The following GREM2 variants were observed in gnomAD, a reference collection of about 807,000 sequenced individuals.
The protein encoded by GREM2 is gremlin 2, DAN family BMP antagonist.
In GREM2, 11 loss-of-function variants were observed where a neutral mutation model predicts 14.2. The ratio of observed to expected loss-of-function variants is 0.78; its 90% CI spans 0.49 to 1.28. The LOEUF (loss-of-function observed/expected upper bound fraction) is 1.28. Ranked by LOEUF, GREM2 falls within the 50% of genes most tolerant of loss-of-function variation. The pLI is 0.00. For missense variants in GREM2, 210 were observed against 218.5 expected (o/e 0.96, Z 0.24); for synonymous variants, 98 against 97.6 (o/e 1.00, Z -0.02).
intron 1 of GREM2, among the ~76,000 whole-genome samples, chr1:240,499,701 CTGAAA>C (rs1409320506): frequency 6.6e-6 from 1 of 152,182 alleles, no homozygotes; most frequent in African/African-American, 2.4e-5. Flanking sequence ...TGCTTGCTTG[CTGAAA>C]CCACTTACCC....
chr1:240,545,766 A>C (rs1678704506), intron 1 of GREM2, among the ~76,000 whole-genome samples: 1 of 152,200 alleles, frequency 6.6e-6, no homozygotes, highest in Non-Finnish European at 1.5e-5. Context: ...GCGTCAGAGT[A>C]TAACATTGAG....
At chr1:240,563,772 T>A (rs1679119027) in intron 1 of GREM2, among the ~76,000 whole-genome samples, 2 of 152,234 alleles carry the variant, frequency 1.3e-5, no homozygotes, top group Non-Finnish European at 2.9e-5. Context: ...TTCACCCACT[T>A]GTTTCCTTTA....
chr1:240,585,396 G>A (rs745926768), intron 1 of GREM2, among the ~76,000 whole-genome samples: 8 of 151,932 alleles, frequency 5.3e-5, no homozygotes, highest in East Asian at 1.9e-4. Flanking sequence ...TTTCTCTGAC[G>A]GGGATGTACT....
intron 1 of GREM2, among the ~76,000 whole-genome samples, chr1:240,610,597 G>A (rs1372278756): frequency 1.3e-5 from 2 of 152,216 alleles, no homozygotes; most frequent in Non-Finnish European, 2.9e-5. Context: ...TATCTTCCTT[G>A]GTCGGGCACA....
At chr1:240,575,584 G>A (rs942029511) in intron 1 of GREM2, among the ~76,000 whole-genome samples, 20 of 151,170 alleles carry the variant, frequency 1.3e-4, no homozygotes, top group Admixed American at 1.3e-3. Context: ...GTGGTGGCAC[G>A]ATCTTGGCTC....
intron 1 of GREM2, among the ~76,000 whole-genome samples, chr1:240,510,401 C>CAAAAAAAAAA (rs1553272787): frequency 2.8e-5 from 2 of 72,662 alleles, no homozygotes; most frequent in Admixed American, 1.5e-4. Context: ...AAAAAAAAAT[C>CAAAAAAAAAA]AAATGGTATC....
At chr1:240,528,933 G>A (rs1462807712) in intron 1 of GREM2, among the ~76,000 whole-genome samples, 1 of 152,124 alleles carries the variant, frequency 6.6e-6, no homozygotes, top group African/African-American at 2.4e-5. Flanking sequence ...AGGGCTCTCA[G>A]GGCTTTCTTG....
chr1:240,610,601 G>A (rs879657004), intron 1 of GREM2, among the ~76,000 whole-genome samples: 15 of 152,104 alleles, frequency 9.9e-5, no homozygotes, highest in Non-Finnish European at 2.1e-4. Flanking sequence ...TTCCTTGGTC[G>A]GGCACATGTC....
rs1419405445 is a variant in GREM2, at chr1:240,531,680, GC to G, written c.-1-38205del. On this transcript the variant is annotated intron_variant, in intron 1 of 1. Transcript: ENST00000318160. ...CCCTGACGTGGACTCAGCTCTGAGT[GC>G]TCTCATTTTTCTTTTCTTTTCTTTT... is the stretch of plus-strand genomic sequence containing the variant. The G allele has an allele frequency of 1.3e-5, 13 of 983,124 alleles. No homozygotes were observed. In the African/African-American group the frequency reaches 2.3e-4, roughly 17 times the overall value. 60.9% of individuals were successfully genotyped at this position (983,124 alleles called of 1,614,324 possible). A position where few individuals can be genotyped will look rare whatever the true frequency, so the allele number is the denominator to read the frequency against.
chr1:240,543,721 A>G lies in GREM2; in HGVS notation c.-1-50245T>C, dbSNP rs1423734238. Among the ~76,000 whole-genome samples the G allele has an allele frequency of 6.6e-6, 1 of 152,220 alleles. No individual in the cohort carries two copies. The highest frequency in any genetic ancestry group is 1.9e-4 in the East Asian group (1 of 5,198). ...TATATCATCAAGGGCAACTTACTAT[A>G]TTAAACCTACCTTGACATTGATCTT... On this transcript the variant is annotated intron_variant, in intron 1 of 1. Transcript: ENST00000318160. The surrounding 1 kb of genome is among the most constrained non-coding windows in gnomAD (Gnocchi z 6.4).
chr1:240,556,136 GC>G (rs1678949522), intron 1 of GREM2, among the ~76,000 whole-genome samples: 1 of 152,112 alleles, frequency 6.6e-6, no homozygotes, highest in Non-Finnish European at 1.5e-5. Flanking sequence ...CCCTCAAGTA[GC>G]TTTATAAAGA....
At chr1:240,601,213 A>G (rs922516186) in intron 1 of GREM2, among the ~76,000 whole-genome samples, 1 of 152,250 alleles carries the variant, frequency 6.6e-6, no homozygotes, top group South Asian at 2.1e-4. Flanking sequence ...ATTATCTCAC[A>G]TAATTCGTAA....
chr1:240,591,035 C>T (rs777268069), intron 1 of GREM2, among the ~76,000 whole-genome samples: 11 of 152,022 alleles, frequency 7.2e-5, no homozygotes, highest in Non-Finnish European at 1.0e-4. Flanking sequence ...CCTCCTTGGC[C>T]TCCCGAAGTG....
At chr1:240,558,389 T>G (rs1028903692) in intron 1 of GREM2, among the ~76,000 whole-genome samples, 1 of 151,996 alleles carries the variant, frequency 6.6e-6, no homozygotes, top group East Asian at 1.9e-4. Context: ...GAAAACAATT[T>G]TGATGAATTT....
At chr1:240,529,510 A>G (rs1365958856) in intron 1 of GREM2, among the ~76,000 whole-genome samples, 2 of 152,138 alleles carry the variant, frequency 1.3e-5, no homozygotes, top group East Asian at 1.9e-4. Context: ...TCTACCTTCC[A>G]GCAAGCTAAT....
At chr1:240,535,239 T>A (rs1050954523) in intron 1 of GREM2, among the ~76,000 whole-genome samples, 1 of 152,196 alleles carries the variant, frequency 6.6e-6, no homozygotes, top group Non-Finnish European at 1.5e-5. Context: ...TGAGTTGATA[T>A]GAACACTTCC....
chr1:240,596,987 G>C (rs1026077471), intron 1 of GREM2, among the ~76,000 whole-genome samples: 7 of 152,190 alleles, frequency 4.6e-5, no homozygotes, highest in Non-Finnish European at 1.0e-4. Flanking sequence ...CTACTGGCCT[G>C]CTCTGTCCTT....
intron 1 of GREM2, among the ~76,000 whole-genome samples, chr1:240,605,417 C>G (rs1473425204): frequency 6.6e-6 from 1 of 152,158 alleles, no homozygotes; most frequent in African/African-American, 2.4e-5. Flanking sequence ...GTTGAGGCTG[C>G]AGTGAGTCGA....
chr1:240,576,774 T>C (rs1679380886), intron 1 of GREM2, among the ~76,000 whole-genome samples: 1 of 152,244 alleles, frequency 6.6e-6, no homozygotes, highest in Non-Finnish European at 1.5e-5. Context: ...AAATTTCAGA[T>C]ACTCCAATTA....
Sources: allele counts gnomAD v4.1 joint callset (sites outside exome capture counted in the v4.1 genomes callset), GRCh38; gene constraint gnomAD v4.1.1; non-coding constraint Gnocchi (gnomAD v3.1); transcripts MANE v1.5; gene names NCBI Gene and HGNC (gene_info 2026-07-23, HGNC 2026-07-21).